The following MSRA variants were observed in gnomAD, a reference collection of about 807,000 sequenced individuals.
MSRA encodes methionine sulfoxide reductase A.
MSRA carries 54 observed loss-of-function variants against 31.3 expected under a neutral mutation model. The observed-to-expected ratio is 1.73, with a 90% confidence interval of 1.39 to 2.17. The LOEUF (loss-of-function observed/expected upper bound fraction) is 2.17, where lower values mean the gene tolerates loss of function less well. Ranked by LOEUF, MSRA falls within the 30% of genes most tolerant of loss-of-function variation. MSRA has a pLI of 0.00. For synonymous variants in MSRA, 169 were observed against 116.5 expected, an observed-to-expected ratio of 1.45 and a Z score of -2.90; for missense variants, 507 against 300.9, an observed-to-expected ratio of 1.69 and a Z score of -5.07.
intron 1 of MSRA, among the ~76,000 whole-genome samples, chr8:10,059,744 T>C (rs950300320): frequency 2.6e-5 from 4 of 152,092 alleles, no homozygotes; most frequent in Non-Finnish European, 4.4e-5. Flanking sequence ...ATATCATAGG[T>C]GAAGGACCAA....
chr8:10,056,476 G>C (rs1437017981), intron 1 of MSRA, among the ~76,000 whole-genome samples: 1 of 150,620 alleles, frequency 6.6e-6, no homozygotes, highest in Non-Finnish European at 1.5e-5. Context: ...CCATATAGCT[G>C]TGAGTGTTTT....
At chr8:10,196,473 CTT>C (rs200678164) in intron 1 of MSRA, among the ~76,000 whole-genome samples, 2 of 152,138 alleles carry the variant, frequency 1.3e-5, no homozygotes, top group East Asian at 1.9e-4. Flanking sequence ...AAGGAAATAA[CTT>C]TGCTGCTTCT....
chr8:10,077,479 C>CTTTTT (rs10714477), intron 1 of MSRA, among the ~76,000 whole-genome samples: 1 of 101,234 alleles, frequency 9.9e-6, no homozygotes. Context: ...CTACCTTCTC[C>CTTTTT]TTTTTTTTTT....
At chr8:10,348,436 C>G (rs1803925679) in intron 5 of MSRA, among the ~76,000 whole-genome samples, 1 of 119,678 alleles carries the variant, frequency 8.4e-6, no homozygotes, top group Admixed American at 1.2e-4. Context: ...GTGGCGTGAT[C>G]TCGGCTCACT....
chr8:10,422,690 T>C (rs1357312724), intron 5 of MSRA, among the ~76,000 whole-genome samples: 4 of 151,988 alleles, frequency 2.6e-5, no homozygotes, highest in Admixed American at 6.5e-5. Flanking sequence ...TCCCCTGAAG[T>C]GGAACGTGGT....
intron 5 of MSRA, among the ~76,000 whole-genome samples, chr8:10,408,631 T>G (rs1449454923): frequency 6.6e-6 from 1 of 152,224 alleles, no homozygotes. Context: ...ACAGTTCTGT[T>G]GCATGCATAC....
intron 2 of MSRA, among the ~76,000 whole-genome samples, chr8:10,222,646 G>C (rs762865098): frequency 6.6e-6 from 1 of 152,134 alleles, no homozygotes; most frequent in East Asian, 1.9e-4. Flanking sequence ...AATGGAATAC[G>C]ATTCAGTCTT....
At chr8:10,351,544 G>T (rs1227180761) in intron 5 of MSRA, among the ~76,000 whole-genome samples, 2 of 152,194 alleles carry the variant, frequency 1.3e-5, no homozygotes, top group Non-Finnish European at 2.9e-5. Context: ...GAGCCACTGT[G>T]CCCGGCCGAA....
At chr8:10,422,502 T>C (rs1395843349) in intron 5 of MSRA, among the ~76,000 whole-genome samples, 1 of 152,212 alleles carries the variant, frequency 6.6e-6, no homozygotes, top group Non-Finnish European at 1.5e-5. Context: ...TTAGGTGACC[T>C]TCCAGAAATT....
chr8:10,187,143 C>A (rs546571288), intron 1 of MSRA, among the ~76,000 whole-genome samples: 1 of 152,294 alleles, frequency 6.6e-6, no homozygotes, highest in South Asian at 2.1e-4. Flanking sequence ...AATCTTTCCT[C>A]AGTGTGAGAA....
At chr8:10,258,779 C>T (rs1342861960) in intron 3 of MSRA, among the ~76,000 whole-genome samples, 1 of 152,170 alleles carries the variant, frequency 6.6e-6, no homozygotes, top group Non-Finnish European at 1.5e-5. Flanking sequence ...GATTGTTCAG[C>T]AGAGGGCTGC....
At chr8:10,177,407 T>C (rs995114064) in intron 1 of MSRA, among the ~76,000 whole-genome samples, 1 of 152,116 alleles carries the variant, frequency 6.6e-6, no homozygotes, top group African/African-American at 2.4e-5. Flanking sequence ...CATCCTAGAG[T>C]CGATTGCTTT....
intron 5 of MSRA, among the ~76,000 whole-genome samples, chr8:10,418,188 G>C (rs1355356808): frequency 6.6e-6 from 1 of 152,166 alleles, no homozygotes; most frequent in East Asian, 1.9e-4. Flanking sequence ...TAACACTTAA[G>C]GCTAAATTCC....
chr8:10,332,943 G>T (rs1434230072), intron 5 of MSRA, among the ~76,000 whole-genome samples: 1 of 152,246 alleles, frequency 6.6e-6, no homozygotes, highest in African/African-American at 2.4e-5. Context: ...ATGAGTCCCT[G>T]GGTGGAGCCC....
intron 5 of MSRA, among the ~76,000 whole-genome samples, chr8:10,360,684 C>G (rs1047094817): frequency 4.6e-5 from 7 of 152,334 alleles, no homozygotes; most frequent in Admixed American, 4.6e-4. Flanking sequence ...CCAAAGCAGG[C>G]ACAATTCTGG....
intron 5 of MSRA, among the ~76,000 whole-genome samples, chr8:10,416,057 G>T (rs1808440788): frequency 6.6e-6 from 1 of 152,202 alleles, no homozygotes. Context: ...GGGTGTGGCT[G>T]TTGGTGTGAG....
rs1797943679 is a variant in MSRA at position 10,075,237 on chromosome 8, C to T, written c.142+20579C>T. On this transcript the variant is annotated intron_variant, in intron 1 of 5. Transcript: ENST00000317173. ...CCTAGGCATGTCTGTTACATGATGA[C>T]CATTAGTTAAATGAACTAAAGAATG... Among the ~76,000 whole-genome samples, 3 of 152,066 alleles carry T rather than the reference C, an allele frequency of 2.0e-5. No homozygotes were observed. The South Asian group carries it at 6.2e-4, about 32-fold the overall frequency.
intron 3 of MSRA, among the ~76,000 whole-genome samples, chr8:10,291,278 G>C (rs1460661992): frequency 6.6e-6 from 1 of 152,068 alleles, no homozygotes; most frequent in Non-Finnish European, 1.5e-5. Flanking sequence ...ATTCTCCATC[G>C]TGTCTCCCCA....
intron 2 of MSRA, among the ~76,000 whole-genome samples, chr8:10,225,282 C>G (rs1035808869): frequency 5.9e-5 from 9 of 152,196 alleles, no homozygotes; most frequent in Non-Finnish European, 1.2e-4. Flanking sequence ...TGTGACTTTC[C>G]TCAGTCCTTC....
Sources: allele counts gnomAD v4.1 joint callset (sites outside exome capture counted in the v4.1 genomes callset), GRCh38; gene constraint gnomAD v4.1.1; transcripts MANE v1.5; gene names NCBI Gene and HGNC (gene_info 2026-07-23, HGNC 2026-07-21).